The following ACYP2 variants were observed in gnomAD, a reference collection of about 807,000 sequenced individuals.
ACYP2 encodes acylphosphatase 2.
ACYP2 carries 12 observed loss-of-function variants against 11.2 expected under a neutral mutation model. The observed-to-expected ratio is 1.08, with a 90% CI of 0.69 to 1.74. ACYP2 has a LOEUF of 1.74. Ranked by LOEUF, ACYP2 falls within the 40% of genes most tolerant of loss-of-function variation. The pLI is 0.00. For missense variants in ACYP2, 134 were observed against 101.9 expected (o/e 1.31, Z -1.35); for synonymous variants, 43 against 32.2 (o/e 1.33, Z -1.13).
At chr2:54,176,582 C>A (rs1489736413) in intron 6 of ACYP2, among the ~76,000 whole-genome samples, 1 of 152,130 alleles carries the variant, frequency 6.6e-6, no homozygotes, top group Non-Finnish European at 1.5e-5. Flanking sequence ...TTTGTTAAGG[C>A]AGGAAAAATC....
chr2:54,065,787 T>C (rs773474825), intron 4 of ACYP2: 7 of 320,298 alleles, frequency 2.2e-5, no homozygotes, highest in Admixed American at 4.9e-5. Flanking sequence ...AGAGCATTGT[T>C]TAAATGTCCT....
At chr2:54,197,937 GTATTATATTGTATTGTATTGTATTGTATT>G (rs1684569057) in intron 6 of ACYP2, among the ~76,000 whole-genome samples, 1 of 74,352 alleles carries the variant, frequency 1.3e-5, no homozygotes, top group Non-Finnish European at 2.8e-5. Context: ...ATTTATGTAT[GTATTATATTGTATTGTATTGTATTGTATT>G]GTATTGTATT....
At chr2:54,282,267 ATAAAATAAC>A (rs1331752072) in intron 6 of ACYP2, among the ~76,000 whole-genome samples, 1 of 152,222 alleles carries the variant, frequency 6.6e-6, no homozygotes, top group Non-Finnish European at 1.5e-5. Context: ...GGGACTTTAA[ATAAAATAAC>A]TAAAATAACA....
intron 4 of ACYP2, among the ~76,000 whole-genome samples, chr2:54,067,821 T>A (rs1676821063): frequency 6.6e-6 from 1 of 152,234 alleles, no homozygotes; most frequent in Non-Finnish European, 1.5e-5. Context: ...GTTCAGTGAC[T>A]CCTTAAAGTT....
intron 2 of ACYP2, among the ~76,000 whole-genome samples, chr2:54,009,378 A>C (rs1023262449): frequency 3.3e-5 from 5 of 151,812 alleles, no homozygotes; most frequent in Non-Finnish European, 7.4e-5. Context: ...GGCCAACATG[A>C]TGAAACCCTG....
chr2:54,022,602 A>T (rs1320771295), intron 2 of ACYP2, among the ~76,000 whole-genome samples: 1 of 151,928 alleles, frequency 6.6e-6, no homozygotes, highest in Non-Finnish European at 1.5e-5. Flanking sequence ...GTGGTCTTGA[A>T]TTTCTGACCT....
intron 2 of ACYP2, among the ~76,000 whole-genome samples, chr2:53,977,855 A>T (rs1671570383): frequency 6.6e-6 from 1 of 151,964 alleles, no homozygotes; most frequent in Non-Finnish European, 1.5e-5. Flanking sequence ...TGTTTCTGGC[A>T]TCTGGAGATT....
intron 2 of ACYP2, among the ~76,000 whole-genome samples, chr2:54,025,979 T>A (rs1674263784): frequency 6.6e-6 from 1 of 152,130 alleles, no homozygotes; most frequent in South Asian, 2.1e-4. Flanking sequence ...TAGCCAGGCG[T>A]GATGGCAGGC....
chr2:54,069,676 C>A (rs922236280), intron 4 of ACYP2, among the ~76,000 whole-genome samples: 2 of 151,046 alleles, frequency 1.3e-5, no homozygotes, highest in Non-Finnish European at 3.0e-5. Flanking sequence ...AAACAAAAAA[C>A]AAAAAAAACA....
chr2:53,974,491 A>C (rs1057252688), intron 2 of ACYP2, among the ~76,000 whole-genome samples: 16 of 152,194 alleles, frequency 1.1e-4, no homozygotes, highest in African/African-American at 3.6e-4. Flanking sequence ...TGGTAGGTAG[A>C]TTTGAGGAAA....
intron 2 of ACYP2, among the ~76,000 whole-genome samples, chr2:54,009,152 C>CAA (rs879319275): frequency 3.8e-5 from 5 of 130,344 alleles, no homozygotes; most frequent in African/African-American, 1.5e-4. Flanking sequence ...GACTCCATCT[C>CAA]AAAAAAAAAA....
At chr2:54,048,341 G>C (rs1675635674) in intron 2 of ACYP2, among the ~76,000 whole-genome samples, 1 of 152,102 alleles carries the variant, frequency 6.6e-6, no homozygotes, top group Non-Finnish European at 1.5e-5. Context: ...TGGAAGAATT[G>C]CTTGAACAAG....
chr2:54,009,958 C>G (rs1673272062), intron 2 of ACYP2, among the ~76,000 whole-genome samples: 1 of 152,096 alleles, frequency 6.6e-6, no homozygotes, highest in Non-Finnish European at 1.5e-5. Flanking sequence ...TAAACCCAGG[C>G]AGTTTGACCC....
At chr2:54,198,447 T>C (rs1684609539) in intron 6 of ACYP2, among the ~76,000 whole-genome samples, 1 of 152,076 alleles carries the variant, frequency 6.6e-6, no homozygotes, top group African/African-American at 2.4e-5. Context: ...ACATAGTTTG[T>C]GGGGCCTCCA....
chr2:53,985,143 C>T (rs527514344), intron 2 of ACYP2, among the ~76,000 whole-genome samples: 2 of 150,802 alleles, frequency 1.3e-5, no homozygotes, highest in East Asian at 3.9e-4. Flanking sequence ...AATTTCCGCT[C>T]ACTGCAAGCT....
chr2:54,228,378 A>G (rs1686094877), intron 6 of ACYP2, among the ~76,000 whole-genome samples: 1 of 152,228 alleles, frequency 6.6e-6, no homozygotes, highest in South Asian at 2.1e-4. Flanking sequence ...ATTATGTATC[A>G]TCTGTTATTC....
At chr2:53,984,819 A>G (rs1671947741) in intron 2 of ACYP2, among the ~76,000 whole-genome samples, 1 of 151,774 alleles carries the variant, frequency 6.6e-6, no homozygotes, top group South Asian at 2.1e-4. Flanking sequence ...ATGTTGTAGG[A>G]TGAATGCAGA....
chr2:54,047,434 C>T (rs1202386573), intron 2 of ACYP2, among the ~76,000 whole-genome samples: 1 of 152,172 alleles, frequency 6.6e-6, no homozygotes, highest in African/African-American at 2.4e-5. Flanking sequence ...GCTGCGTGGC[C>T]CTGTCGAGTC....
intron 6 of ACYP2, among the ~76,000 whole-genome samples, chr2:54,222,316 G>A (rs369264524): frequency 3.0e-4 from 46 of 152,166 alleles, no homozygotes; most frequent in African/African-American, 9.4e-4. Context: ...TTGGGAGGCC[G>A]AGGCAAGTGG....
Sources: allele counts gnomAD v4.1 joint callset (sites outside exome capture counted in the v4.1 genomes callset), GRCh38; gene constraint gnomAD v4.1.1; transcripts MANE v1.5; gene names NCBI Gene and HGNC (gene_info 2026-07-23, HGNC 2026-07-21).